Variants in GPATCH2L observed in about 807,000 individuals in gnomAD.
GPATCH2L encodes G patch domain-containing protein 2-like.
GPATCH2L carries 31 observed loss-of-function variants against 57.4 expected under a neutral mutation model. The observed-to-expected ratio is 0.54, with a 90% CI of 0.41 to 0.73. GPATCH2L has a LOEUF of 0.73. Ranked by LOEUF, GPATCH2L falls within the 30% of genes least tolerant of loss-of-function variation. GPATCH2L has a pLI of 0.00. For synonymous variants in GPATCH2L, 199 were observed against 210.7 expected (o/e 0.94, Z 0.48); for missense variants, 481 against 599.9 (o/e 0.80, Z 2.07).
chr14:76,167,343 G>A (rs12434176), intron 3 of GPATCH2L, among the ~76,000 whole-genome samples: 31,251 of 152,072 alleles, frequency 0.21, 3,554 homozygotes, highest in African/African-American at 0.3. Flanking sequence ...CTAGACTTGT[G>A]TGGGGCCACA....
chr14:76,178,971 G>A (rs1047834772), intron 7 of GPATCH2L: 1 of 152,100 alleles, frequency 6.6e-6, no homozygotes, highest in Non-Finnish European at 1.5e-5. Context: ...TGATTTTTTT[G>A]GAGGATTGCA....
intron 8 of GPATCH2L, among the ~76,000 whole-genome samples, chr14:76,182,600 A>G (rs2039615788): frequency 6.6e-6 from 1 of 151,076 alleles, no homozygotes. Flanking sequence ...AAAAAAAAAA[A>G]AAAAAAGAAA....
rs966461176 is a variant in GPATCH2L at position 76,212,700 on chromosome 14, T to C, written c.*10849T>C. The C allele has an allele frequency of 7.2e-5, 11 of 152,086 alleles. No individual in the cohort carries two copies. Among genetic ancestry groups the C allele is most frequent in the African/African-American group, 2.4e-4 (10 of 41,418 alleles). The allele number at this position is 152,086 out of a possible 1,614,324, so 9.4% of individuals were successfully genotyped here. A position where few individuals can be genotyped will look rare whatever the true frequency, so the allele number is the denominator to read the frequency against. On this transcript the variant is annotated 3_prime_UTR_variant, in exon 10 of 10. Transcript: ENST00000261530. ...TGGTAACTACACTTCAAAGTATCCA[T>C]GAAACATTTCCCCATTTGACTGTGT...
intron 1 of GPATCH2L, among the ~76,000 whole-genome samples, chr14:76,223,763 T>C (rs2040525267): frequency 6.6e-6 from 1 of 152,132 alleles, no homozygotes; most frequent in Non-Finnish European, 1.5e-5. Context: ...AATTTAAAAA[T>C]GGGCAAAAAG....
At chr14:76,165,923 A>G (rs1354458173) in intron 2 of GPATCH2L, among the ~76,000 whole-genome samples, 1 of 152,240 alleles carries the variant, frequency 6.6e-6, no homozygotes, top group Non-Finnish European at 1.5e-5. Context: ...AATCAAAGAA[A>G]TAGCTAATAC....
chr14:76,216,483 C>A, downstream of GPATCH2L, among the ~76,000 whole-genome samples: 2 of 151,938 alleles, frequency 1.3e-5, no homozygotes, highest in African/African-American at 4.8e-5. Context: ...CAACTTAAGC[C>A]AATATATTTG....
intron 9 of GPATCH2L, among the ~76,000 whole-genome samples, chr14:76,200,808 C>T (rs1305687607): frequency 5.9e-5 from 9 of 152,056 alleles, no homozygotes; most frequent in Non-Finnish European, 1.2e-4. Flanking sequence ...GGTTACGTTT[C>T]TGGGACTGGA....
intron 9 of GPATCH2L, among the ~76,000 whole-genome samples, chr14:76,197,073 C>T (rs1162455373): frequency 1.3e-5 from 2 of 152,072 alleles, no homozygotes; most frequent in Admixed American, 6.5e-5. Context: ...TGTTTTTATT[C>T]CCAATTTACA....
downstream of GPATCH2L, among the ~76,000 whole-genome samples, chr14:76,217,704 T>C (rs908263894): frequency 1.3e-5 from 2 of 152,176 alleles, no homozygotes; most frequent in African/African-American, 4.8e-5. Flanking sequence ...ATACTCCTAA[T>C]TTATAAACAT....
chr14:76,170,884 T>C (rs1195689105), intron 3 of GPATCH2L, among the ~76,000 whole-genome samples: 10 of 152,238 alleles, frequency 6.6e-5, no homozygotes, highest in Non-Finnish European at 2.9e-5. Context: ...CATTGTTTAC[T>C]AAATTGACCT....
At chr14:76,155,830 A>G (rs2038281365) in intron 2 of GPATCH2L, among the ~76,000 whole-genome samples, 1 of 152,206 alleles carries the variant, frequency 6.6e-6, no homozygotes, top group South Asian at 2.1e-4. Context: ...ACAATTCTTT[A>G]TGGTGCATTG....
rs2040421437 is a variant in GPATCH2L at position 76,209,937 on chromosome 14, C to A, written c.*8086C>A. The A allele has an allele frequency of 6.6e-6, 1 of 152,204 alleles. No individual in the cohort carries two copies. Among genetic ancestry groups the A allele is most frequent in the Non-Finnish European group, 1.5e-5 (1 of 68,054 alleles). The allele number at this position is 152,204 out of a possible 1,614,324, so 9.4% of individuals were successfully genotyped here. A position where few individuals can be genotyped will look rare whatever the true frequency, so the allele number is the denominator to read the frequency against. On this transcript the variant is annotated 3_prime_UTR_variant, in exon 10 of 10. Transcript: ENST00000261530. ...GAGCTTCCTCACACATGGGAAGGTA[C>A]TTCAGATGCTGGACAGCCAATAAGA...
intron 2 of GPATCH2L, chr14:76,234,494 T>C (rs1269659941): frequency 3.3e-5 from 5 of 152,260 alleles, no homozygotes; most frequent in African/African-American, 1.2e-4. Flanking sequence ...ACTCTCTCTC[T>C]GTCCCTCTCC....
intron 9 of GPATCH2L, among the ~76,000 whole-genome samples, chr14:76,199,069 G>A (rs1355557985): frequency 6.6e-6 from 1 of 152,074 alleles, no homozygotes; most frequent in Non-Finnish European, 1.5e-5. Context: ...AGTAAATATT[G>A]AAGGGGTATA....
intron 1 of GPATCH2L, among the ~76,000 whole-genome samples, chr14:76,220,113 C>T (rs111580062): frequency 0.022 from 3,376 of 152,252 alleles, 76 homozygotes; most frequent in South Asian, 0.078. Context: ...CAGGACTAAC[C>T]ATTAGAATTC....
chr14:76,183,717 G>A (rs1205652554), intron 8 of GPATCH2L, among the ~76,000 whole-genome samples: 1 of 152,126 alleles, frequency 6.6e-6, no homozygotes, highest in Non-Finnish European at 1.5e-5. Context: ...TCACTCCTTT[G>A]TAATCGTTCC....
intron 2 of GPATCH2L, among the ~76,000 whole-genome samples, 179 bp from the exon 3 acceptor site, chr14:76,166,484 T>C (rs1476035505): frequency 1.3e-5 from 2 of 152,252 alleles, no homozygotes; most frequent in African/African-American, 4.8e-5. Context: ...AATTCTCCTC[T>C]TATATTTCTT....
At position 76,213,669 on chromosome 14, in the gene GPATCH2L, A is replaced by G. The variant is rs944510282; in HGVS notation, c.*11818A>G. 3.3e-5 allele frequency: 5 copies of G among 152,150 alleles called. No homozygotes were observed. Among genetic ancestry groups the G allele is most frequent in the Non-Finnish European group, 4.4e-5 (3 of 68,028 alleles). 9.4% of individuals were successfully genotyped at this position (152,150 alleles called of 1,614,324 possible). On this transcript the variant is annotated 3_prime_UTR_variant, in exon 10 of 10. Transcript: ENST00000261530. ...CACAGAGCCCCCTCTTCACATTCTCAGGGGCTCTTGATCCAAAACCTTTTT... is the reference window on the plus strand; with the variant it reads ...CACAGAGCCCCCTCTTCACATTCTCGGGGGCTCTTGATCCAAAACCTTTTT...
chr14:76,194,876 A>G (rs1372225654), intron 8 of GPATCH2L, among the ~76,000 whole-genome samples: 1 of 152,184 alleles, frequency 6.6e-6, no homozygotes, highest in Non-Finnish European at 1.5e-5. Flanking sequence ...GCTAATGAGG[A>G]TCGCCTGTGT....
Sources: gnomAD v4.1 joint callset for allele counts (sites outside exome capture counted in the v4.1 genomes callset) on GRCh38, gnomAD v4.1.1 for gene constraint, MANE v1.5 for transcripts, NCBI Gene and HGNC (gene_info 2026-07-23, HGNC 2026-07-21) for gene names.